PHLPP1: variants seen among roughly 807,000 people sequenced by gnomAD.
PHLPP1 encodes the protein PH domain leucine-rich repeat-containing protein phosphatase 1.
In PHLPP1, 42 loss-of-function variants were observed where a neutral mutation model predicts 117.2. The observed-to-expected ratio is 0.36, with a 90% CI of 0.28 to 0.46. The LOEUF is 0.46. PHLPP1 is among the 20% of genes least tolerant of loss of function. The pLI is 1.00. For synonymous variants in PHLPP1, 1,042 were observed against 970.7 expected, an observed-to-expected ratio of 1.07 and a Z score of -1.37; for missense variants, 2,084 against 2,241.9, an observed-to-expected ratio of 0.93 and a Z score of 1.42.
At chr18:62,792,305 A>G (rs1157378958) in intron 1 of PHLPP1, among the ~76,000 whole-genome samples, 1 of 152,198 alleles carries the variant, frequency 6.6e-6, no homozygotes, top group Non-Finnish European at 1.5e-5. Flanking sequence ...GCCAGAGTAA[A>G]ACTGTAATTT....
At chr18:62,960,270 T>A (rs1910730020) in intron 13 of PHLPP1, among the ~76,000 whole-genome samples, 2 of 152,170 alleles carry the variant, frequency 1.3e-5, no homozygotes, top group African/African-American at 4.8e-5. Flanking sequence ...TTTTTAAAAG[T>A]AATAAATCAT....
At chr18:62,724,065 TG>T (rs2122049765) in intron 1 of PHLPP1, among the ~76,000 whole-genome samples, 1 of 152,322 alleles carries the variant, frequency 6.6e-6, no homozygotes, top group South Asian at 2.1e-4. Context: ...ACAAGTCAGC[TG>T]GAGGTTGCCA....
At chr18:62,892,263 A>G (rs1178102261) in intron 4 of PHLPP1, among the ~76,000 whole-genome samples, 1 of 151,242 alleles carries the variant, frequency 6.6e-6, no homozygotes, top group Non-Finnish European at 1.5e-5. Flanking sequence ...TAATTTTTGT[A>G]TTTTTAGTAG....
rs71160863 is a variant in PHLPP1 at position 62,727,615 on chromosome 18, C to CA, written c.1576+10374dup. On this transcript the variant is annotated intron_variant, in intron 1 of 16. Transcript: ENST00000262719. ...TGGGTGACAGAGCGAGACCCTGTCT[C>CA]AAAAAAAAAAAAAAAAAAGCACTTT... 4.6e-3 allele frequency among the ~76,000 whole-genome samples: 279 copies of CA among 61,252 alleles called. 1 individual carries two copies. Among genetic ancestry groups the CA allele is most frequent in the East Asian group, 0.02 (38 of 1,888 alleles). 40.2% of individuals were successfully genotyped at this position (61,252 alleles called of 152,430 possible). A position where few individuals can be genotyped will look rare whatever the true frequency, so the allele number is the denominator to read the frequency against.
intron 1 of PHLPP1, among the ~76,000 whole-genome samples, chr18:62,822,802 A>G (rs757774224): frequency 6.6e-6 from 1 of 152,226 alleles, no homozygotes; most frequent in Non-Finnish European, 1.5e-5. Context: ...TCAAGATAGT[A>G]TGAAGGTAGA....
rs1914913733 is a variant in PHLPP1 at position 62,836,696 on chromosome 18, A to G, written c.1774-2088A>G. On this transcript the variant is annotated intron_variant, in intron 2 of 16. Transcript: ENST00000262719. Reference sequence around the variant, plus strand: ...TGATCTATTTTTTGAAACTTTGGTAAAAGTTACCTGTAAAGCTATATGGGC... The same window carrying G: ...TGATCTATTTTTTGAAACTTTGGTAGAAGTTACCTGTAAAGCTATATGGGC... 4.0e-5 allele frequency among the ~76,000 whole-genome samples: 6 copies of G among 151,694 alleles called. 1 individual carries two copies. In the South Asian group the frequency reaches 1.2e-3, roughly 32 times the overall value.
Position 62,761,718 on chromosome 18 carries a change from C to G in PHLPP1, c.1576+44459C>G, listed in dbSNP as rs1912246784. On this transcript the variant is annotated intron_variant, in intron 1 of 16. Transcript: ENST00000262719. ...AGTAATGTAAAGAAAAAATAACAGG[C>G]CTTCTACAAATTTGAAGTAGAGGTA... Among the ~76,000 whole-genome samples the G allele has an allele frequency of 2.0e-5, 3 of 151,420 alleles. No homozygotes were observed. In the South Asian group the frequency reaches 6.2e-4, roughly 32 times the overall value.
chr18:62,964,430 G>C (rs1252495554), intron 14 of PHLPP1, among the ~76,000 whole-genome samples: 5 of 152,184 alleles, frequency 3.3e-5, no homozygotes, highest in Non-Finnish European at 5.9e-5. Context: ...TGGAATTGTT[G>C]CTGCCATTCT....
intron 1 of PHLPP1, among the ~76,000 whole-genome samples, chr18:62,727,108 A>C (rs1911095782): frequency 6.6e-6 from 1 of 151,052 alleles, no homozygotes; most frequent in African/African-American, 2.4e-5. Flanking sequence ...GGCACCTGTA[A>C]TCCCAGCTAC....
intron 1 of PHLPP1, among the ~76,000 whole-genome samples, chr18:62,718,451 A>C (rs1910826257): frequency 6.6e-6 from 1 of 152,230 alleles, no homozygotes; most frequent in African/African-American, 2.4e-5. Context: ...CTTTACTCCC[A>C]CATTGAAATA....
At chr18:62,836,181 A>G (rs1440604932) in intron 2 of PHLPP1, among the ~76,000 whole-genome samples, 5 of 151,976 alleles carry the variant, frequency 3.3e-5, no homozygotes, top group African/African-American at 1.2e-4. Flanking sequence ...TGATGTCTGT[A>G]ATCCCAGCAC....
chr18:62,948,838 T>C (rs1910372038), intron 12 of PHLPP1, among the ~76,000 whole-genome samples: 1 of 152,190 alleles, frequency 6.6e-6, no homozygotes, highest in East Asian at 1.9e-4. Flanking sequence ...TTTTGTGTCA[T>C]ATGAGAATAT....
chr18:62,761,627 C>T (rs995975871), intron 1 of PHLPP1, among the ~76,000 whole-genome samples: 14 of 142,248 alleles, frequency 9.8e-5, no homozygotes, highest in East Asian at 6.2e-4. Context: ...AGCGAGACTC[C>T]GTCTCAAAAA....
chr18:62,941,750 T>A lies in PHLPP1; in HGVS notation c.2993T>A (p.Leu998Gln). 1 of 1,613,838 alleles carries A rather than the reference T, an allele frequency of 6.2e-7. No homozygotes were observed. Among genetic ancestry groups the A allele is most frequent in the Non-Finnish European group, 8.5e-7 (1 of 1,179,738 alleles). The change falls in exon 11 of 17, where the codon CTG (leucine) becomes CAG (glutamine). Residue 998 changes from leucine (L) to glutamine (Q), a missense_variant. Physicochemically the swap from Leu to Gln is moderately radical, Grantham distance 113 (BLOSUM62 -2). Transcript: ENST00000262719. The part of the protein sequence containing the change: ...LRFLNASANK[L>Q]ESLPPATLSE... ...TTCCTGAACGCCTCTGCGAACAAAC[T>A]GGAAAGCCTTCCTCCAGCCACGCTT...
intron 1 of PHLPP1, among the ~76,000 whole-genome samples, chr18:62,806,241 G>A (rs1478526360): frequency 6.6e-6 from 1 of 152,108 alleles, no homozygotes; most frequent in African/African-American, 2.4e-5. Flanking sequence ...AAGTAACTCT[G>A]TCATAAAAAA....
chr18:62,905,482 C>T (rs1173339365), intron 8 of PHLPP1, among the ~76,000 whole-genome samples, 198 bp downstream of exon 8: 1 of 152,130 alleles, frequency 6.6e-6, no homozygotes, highest in African/African-American at 2.4e-5. Flanking sequence ...ATCAAAGTGC[C>T]TGTGCACACC....
chr18:62,816,913 A>G (rs983564163), intron 1 of PHLPP1, among the ~76,000 whole-genome samples: 4 of 152,146 alleles, frequency 2.6e-5, no homozygotes, highest in African/African-American at 4.8e-5. Context: ...AGCCAAATCT[A>G]TGAGGTTGTC....
chr18:62,923,307 T>C (rs996520420), intron 10 of PHLPP1, among the ~76,000 whole-genome samples: 2 of 152,304 alleles, frequency 1.3e-5, no homozygotes, highest in South Asian at 2.1e-4. Flanking sequence ...GGGGCAAATA[T>C]CTTTGTTTTA....
At chr18:62,974,904 G>C (rs992592047) in intron 15 of PHLPP1, among the ~76,000 whole-genome samples, 2 of 152,196 alleles carry the variant, frequency 1.3e-5, no homozygotes, top group Non-Finnish European at 2.9e-5. Context: ...CTTATAAGGG[G>C]GAGAGGGTTG....
Sources: allele counts gnomAD v4.1 joint callset (sites outside exome capture counted in the v4.1 genomes callset), GRCh38; gene constraint gnomAD v4.1.1; transcripts MANE v1.5; gene names NCBI Gene and HGNC (gene_info 2026-07-23, HGNC 2026-07-21).